Variants in ATP13A4 observed in about 807,000 individuals in gnomAD.
ATP13A4 encodes the protein probable cation-transporting ATPase 13A4.
ATP13A4 carries 114 observed loss-of-function variants against 142.5 expected under a neutral mutation model. That is an observed-to-expected ratio of 0.80 (90% CI 0.69 to 0.93). The LOEUF is 0.93. Among genes scored for constraint, ATP13A4 ranks in the 40% least tolerant of loss-of-function variants. The probability of loss-of-function intolerance (pLI) is 0.00; values close to 1 mark genes in which losing one functional copy is unlikely to be tolerated. For synonymous variants in ATP13A4, 488 were observed against 514.8 expected, an observed-to-expected ratio of 0.95 and a Z score of 0.70; for missense variants, 1,392 against 1,454.0, an observed-to-expected ratio of 0.96 and a Z score of 0.69.
chr3:193,452,396 G>A (rs1717331164), intron 17 of ATP13A4, among the ~76,000 whole-genome samples: 1 of 152,046 alleles, frequency 6.6e-6, no homozygotes, highest in South Asian at 2.1e-4. Flanking sequence ...CAGAGTTTCA[G>A]GGGTAGCATG....
upstream of ATP13A4, among the ~76,000 whole-genome samples, chr3:193,559,603 T>C (rs113992537): frequency 7.5e-4 from 114 of 152,274 alleles, no homozygotes; most frequent in African/African-American, 2.6e-3. Context: ...TTAGCAACCC[T>C]TAGATTAAAG....
chr3:193,412,509 ACACACAC>A, intron 26 of ATP13A4, 138 bp from the exon 27 acceptor site: 1 of 41,798 alleles, frequency 2.4e-5, no homozygotes, highest in Non-Finnish European at 4.2e-5. Context: ...TTTGGAAAAC[ACACACAC>A]ACACACACAC....
At chr3:193,531,108 G>A (rs537793454) in intron 1 of ATP13A4, among the ~76,000 whole-genome samples, 1 of 152,024 alleles carries the variant, frequency 6.6e-6, no homozygotes, top group Non-Finnish European at 1.5e-5. Flanking sequence ...AGCCGTCCAG[G>A]AGTGGGTCGT....
At chr3:193,454,057 T>C (rs1194002633) in intron 17 of ATP13A4, 44 bp downstream of exon 17, 3 of 1,517,878 alleles carry the variant, frequency 2.0e-6, no homozygotes, top group South Asian at 2.3e-5. Context: ...CTGGTACATC[T>C]TTCCATCAAA....
chr3:193,415,005 G>A (rs984085896), intron 25 of ATP13A4, among the ~76,000 whole-genome samples: 1 of 152,016 alleles, frequency 6.6e-6, no homozygotes, highest in Non-Finnish European at 1.5e-5. Context: ...AGAGAAGGGA[G>A]GGATGAAATA....
chr3:193,419,740 G>A (rs1715314659), intron 25 of ATP13A4, among the ~76,000 whole-genome samples: 1 of 150,162 alleles, frequency 6.7e-6, no homozygotes, highest in Non-Finnish European at 1.5e-5. Context: ...AATAGCTCTA[G>A]TTCCCTGGTT....
intron 1 of ATP13A4, among the ~76,000 whole-genome samples, chr3:193,550,356 G>A (rs1577074059): frequency 6.7e-6 from 1 of 150,292 alleles, no homozygotes; most frequent in African/African-American, 2.5e-5. Context: ...CCCCAGGCTG[G>A]AGTGCACTGA....
chr3:193,454,185 T>G lies in ATP13A4; in HGVS notation c.1943A>C (p.Gln648Pro). 1.2e-6 allele frequency: 2 copies of G among 1,613,942 alleles called. No homozygotes were observed. Among genetic ancestry groups the G allele is most frequent in the Non-Finnish European group, 1.7e-6 (2 of 1,179,794 alleles). Residue 648 changes from glutamine to proline, a missense_variant, in exon 17 of 30, where the codon CAG becomes CCG. Transcript: ENST00000342695. Reference protein sequence around the residue: ...TVPTSFVSELQIYTTQGFRVI... With the variant: ...TVPTSFVSELPIYTTQGFRVI... ...TCGGAAGCCCTGTGTCGTGTAAATCTGAAGTTCGCTAACAAAACTAGTGGG... is the reference window on the plus strand; with the variant it reads ...TCGGAAGCCCTGTGTCGTGTAAATCGGAAGTTCGCTAACAAAACTAGTGGG...
In ATP13A4 at chr3:193,407,331, A is replaced by G. The variant is rs776750472; in HGVS notation, c.3360T>C (p.Ile1120=). 1 of 1,613,054 alleles carries G rather than the reference A, an allele frequency of 6.2e-7. No individual in the cohort carries two copies. Among genetic ancestry groups the G allele is most frequent in the Non-Finnish European group, 8.5e-7 (1 of 1,179,198 alleles). The change falls in exon 29 of 30, where the codon ATT becomes ATC. Residue 1120 remains isoleucine, a synonymous_variant. Transcript: ENST00000342695. ...CACTTACCTCGGCCACAAGGGACAC[A>G]ATGAAATTCAAGCTGAGCATGATGA... ...SIVIMLSLNF[I]VSLVAEEAVI...
chr3:193,497,169 A>G lies in ATP13A4; in HGVS notation c.382-4009T>C, dbSNP rs1720286789. On this transcript the variant is annotated intron_variant, in intron 3 of 29. Coordinates refer to ENST00000342695, the MANE Select transcript of ATP13A4 (RefSeq NM_032279.4). ...GGAAGAAAATATTTGCGAACTGTGCATCTGACAAGGGGTTAATATCCAGAA... is the reference window on the plus strand; with the variant it reads ...GGAAGAAAATATTTGCGAACTGTGCGTCTGACAAGGGGTTAATATCCAGAA... 1.3e-5 allele frequency among the ~76,000 whole-genome samples: 2 copies of G among 152,224 alleles called. 1 individual carries two copies. Among genetic ancestry groups the G allele is most frequent in the South Asian group, 4.1e-4 (2 of 4,830 alleles).
At position 193,562,224 on chromosome 3, in the gene ATP13A4, CA is replaced by C. The variant is rs369237991; in HGVS notation, n.291+19482del. Among the ~76,000 whole-genome samples, 602 of 150,218 alleles carry C rather than the reference CA, an allele frequency of 4.0e-3. 3 individuals are homozygous for C. Among genetic ancestry groups the C allele is most frequent in the South Asian group, 0.017 (81 of 4,742 alleles). ...AATCCCTGGGGTGGAAACAAACAAA[CA>C]AAAAAAAACTACATTTTGATGAGTG... On this transcript the variant is annotated intron_variant and non_coding_transcript_variant, in intron 2 of 3. Coordinates refer to the ATP13A4 transcript ENST00000489140.
At chr3:193,408,746 A>C (rs952411687) in intron 28 of ATP13A4, among the ~76,000 whole-genome samples, 1 of 152,176 alleles carries the variant, frequency 6.6e-6, no homozygotes. Context: ...CTTTCTTAGA[A>C]GTGTACTGCA....
chr3:193,489,500 A>G (rs1025076960), intron 7 of ATP13A4, among the ~76,000 whole-genome samples: 2 of 152,200 alleles, frequency 1.3e-5, no homozygotes, highest in Non-Finnish European at 2.9e-5. Flanking sequence ...ATTAGTCTTG[A>G]GTAAATTAAA....
intron 1 of ATP13A4, among the ~76,000 whole-genome samples, chr3:193,542,198 C>T (rs1226295796): frequency 6.6e-6 from 1 of 152,012 alleles, no homozygotes; most frequent in Non-Finnish European, 1.5e-5. Context: ...TAGCAGAAAG[C>T]CAAATCATGA....
chr3:193,434,474 C>T (rs909982611), intron 24 of ATP13A4, among the ~76,000 whole-genome samples: 3 of 152,192 alleles, frequency 2.0e-5, no homozygotes, highest in Admixed American at 6.5e-5. Flanking sequence ...TTGCTCCCCA[C>T]CCCTTAGTGG....
At chr3:193,494,071 CAGTA>C (rs1720094409) in intron 3 of ATP13A4, among the ~76,000 whole-genome samples, 1 of 151,914 alleles carries the variant, frequency 6.6e-6, no homozygotes, top group Admixed American at 6.6e-5. Context: ...GGAGTCAACT[CAGTA>C]AGAGATTAAC....
At chr3:193,509,301 T>C (rs1721021376) in intron 2 of ATP13A4, among the ~76,000 whole-genome samples, 3 of 152,190 alleles carry the variant, frequency 2.0e-5, no homozygotes, top group African/African-American at 7.2e-5. Context: ...GGAGTACTTT[T>C]AAGAGGTGGA....
intron 1 of ATP13A4, among the ~76,000 whole-genome samples, chr3:193,591,811 A>G (rs1724801394): frequency 6.6e-6 from 1 of 152,084 alleles, no homozygotes; most frequent in African/African-American, 2.4e-5. Flanking sequence ...TGTTGTTGTT[A>G]AAGTCTCTTG....
chr3:193,434,427 C>T (rs1716147924), intron 24 of ATP13A4, among the ~76,000 whole-genome samples: 1 of 152,126 alleles, frequency 6.6e-6, no homozygotes, highest in South Asian at 2.1e-4. Flanking sequence ...GGAAAAAGTG[C>T]TATGTCTTAC....
Sources: allele counts gnomAD v4.1 joint callset (sites outside exome capture counted in the v4.1 genomes callset), GRCh38; gene constraint gnomAD v4.1.1; transcripts MANE v1.5; gene names NCBI Gene and HGNC (gene_info 2026-07-23, HGNC 2026-07-21).